The following ZNF385D variants were observed in gnomAD, a reference collection of about 807,000 sequenced individuals.
The protein encoded by ZNF385D is zinc finger protein 385D, also known as zinc finger protein 659.
Under a neutral mutation model 35.8 loss-of-function variants are expected in ZNF385D, and 15 were observed. The ratio of observed to expected loss-of-function variants is 0.42; its 90% confidence interval spans 0.28 to 0.64. ZNF385D has a LOEUF of 0.64. Among genes scored for constraint, ZNF385D ranks in the 30% least tolerant of loss-of-function variants. The pLI, the probability that ZNF385D is intolerant of heterozygous loss-of-function variation, is 0.23. For synonymous variants in ZNF385D, 212 were observed against 186.8 expected, an observed-to-expected ratio of 1.13 and a Z score of -1.10; for missense variants, 474 against 494.6, an observed-to-expected ratio of 0.96 and a Z score of 0.39.
At chr3:21,568,909 A>G (rs2125667543) in intron 2 of ZNF385D, among the ~76,000 whole-genome samples, 1 of 152,328 alleles carries the variant, frequency 6.6e-6, no homozygotes, top group African/African-American at 2.4e-5. Flanking sequence ...CACTGAATTA[A>G]AAACAAAAGA....
chr3:21,666,565 A>G (rs2125267620), intron 1 of ZNF385D, among the ~76,000 whole-genome samples: 1 of 152,328 alleles, frequency 6.6e-6, no homozygotes, highest in African/African-American at 2.4e-5. Flanking sequence ...GATAACAACG[A>G]AATATAATAA....
intron 2 of ZNF385D, among the ~76,000 whole-genome samples, chr3:22,169,675 A>G (rs1308190332): frequency 6.6e-6 from 1 of 152,222 alleles, no homozygotes; most frequent in Admixed American, 6.5e-5. Context: ...GTACAAAAAA[A>G]GTGTGACTGA....
intron 3 of ZNF385D, among the ~76,000 whole-genome samples, chr3:21,845,589 G>A (rs17009798): frequency 0.039 from 5,950 of 151,940 alleles, 400 homozygotes; most frequent in African/African-American, 0.13. Context: ...TCTCAACATT[G>A]CAATCCCTCC....
intron 3 of ZNF385D, among the ~76,000 whole-genome samples, chr3:22,157,355 T>C (rs1705655348): frequency 6.6e-6 from 1 of 152,184 alleles, no homozygotes; most frequent in African/African-American, 2.4e-5. Flanking sequence ...ATTTATATTT[T>C]TGATACCTTT....
At chr3:22,357,176 A>G (rs906070111) in intron 2 of ZNF385D, among the ~76,000 whole-genome samples, 1 of 151,954 alleles carries the variant, frequency 6.6e-6, no homozygotes, top group African/African-American at 2.4e-5. Flanking sequence ...ACCAGAATAT[A>G]TCATTATCTC....
chr3:22,158,121 T>C (rs1705710429), intron 3 of ZNF385D, among the ~76,000 whole-genome samples: 2 of 152,146 alleles, frequency 1.3e-5, no homozygotes, highest in African/African-American at 4.8e-5. Context: ...ATCCTTGATC[T>C]CATCAGGACA....
At chr3:21,554,818 C>A (rs1372171392) in intron 3 of ZNF385D, among the ~76,000 whole-genome samples, 1 of 152,118 alleles carries the variant, frequency 6.6e-6, no homozygotes, top group Non-Finnish European at 1.5e-5. Flanking sequence ...CATGAACCAA[C>A]CACTTCCAGC....
chr3:21,848,960 T>C (rs1261692013), intron 3 of ZNF385D, among the ~76,000 whole-genome samples: 8 of 152,134 alleles, frequency 5.3e-5, no homozygotes, highest in Admixed American at 4.6e-4. Context: ...CATTATCTTC[T>C]ATTAAATTTT....
rs879552068 is a variant in ZNF385D at position 21,706,855 on chromosome 3, A to ATAG, written c.23-41828_23-41827insCTA. On this transcript the variant is annotated intron_variant, in intron 1 of 7. Transcript: ENST00000281523. ...AGATAGATAGATAGATAGATAGATA[A>ATAG]ATAGATTAGACAGATAAATTCTAAT... Among the ~76,000 whole-genome samples the ATAG allele has an allele frequency of 5.9e-3, 849 of 144,220 alleles. 9 individuals carry two copies. The highest frequency in any genetic ancestry group is 0.02 in the African/African-American group (760 of 37,928). The allele number at this position is 144,220 out of a possible 152,430, so 94.6% of individuals were successfully genotyped here. A position where few individuals can be genotyped will look rare whatever the true frequency, so the allele number is the denominator to read the frequency against.
chr3:21,840,889 G>T (rs1373732049), intron 3 of ZNF385D, among the ~76,000 whole-genome samples: 2 of 151,968 alleles, frequency 1.3e-5, no homozygotes, highest in African/African-American at 2.4e-5. Context: ...CTGTCTAAAA[G>T]AAACCAAGAG....
At chr3:21,893,994 T>G (rs561776717) in intron 3 of ZNF385D, among the ~76,000 whole-genome samples, 1 of 152,296 alleles carries the variant, frequency 6.6e-6, no homozygotes, top group South Asian at 2.1e-4. Context: ...GTTCAAAACT[T>G]TCACCTGGAC....
chr3:22,117,029 A>G (rs1702847032), intron 3 of ZNF385D, among the ~76,000 whole-genome samples: 1 of 151,976 alleles, frequency 6.6e-6, no homozygotes, highest in Non-Finnish European at 1.5e-5. Context: ...ATTGTCCAGG[A>G]TGGTATATCT....
rs138310399 is a variant in ZNF385D at position 21,446,870 on chromosome 3, C to A, written c.440-9667G>T. On this transcript the variant is annotated intron_variant, in intron 4 of 7. Coordinates refer to ENST00000281523, the MANE Select transcript of ZNF385D (RefSeq NM_024697.3). ...TAGAGACACATTCTGATCTTTGGAG[C>A]AGAGAAAAATACTAGTGGGAACCTA... Among the ~76,000 whole-genome samples the A allele has an allele frequency of 3.9e-5, 6 of 152,140 alleles. 1 individual carries two copies. The East Asian group carries it at 1.2e-3, about 29-fold the overall frequency.
At chr3:21,979,157 G>A (rs1694252526) in intron 3 of ZNF385D, among the ~76,000 whole-genome samples, 1 of 151,956 alleles carries the variant, frequency 6.6e-6, no homozygotes, top group African/African-American at 2.4e-5. Context: ...TTTGCCTGTA[G>A]AATAGTCTGG....
intron 3 of ZNF385D, among the ~76,000 whole-genome samples, chr3:21,922,766 G>C (rs1700535094): frequency 6.6e-6 from 1 of 152,006 alleles, no homozygotes; most frequent in Admixed American, 6.6e-5. Context: ...AACAATTACA[G>C]GAAGAACAAA....
intron 3 of ZNF385D, among the ~76,000 whole-genome samples, chr3:21,999,249 G>A (rs561335993): frequency 6.6e-6 from 1 of 151,974 alleles, no homozygotes; most frequent in South Asian, 2.1e-4. Context: ...GGTTTTCACT[G>A]ACAAACATAT....
chr3:22,207,620 C>A (rs1697241373), intron 2 of ZNF385D, among the ~76,000 whole-genome samples: 1 of 151,886 alleles, frequency 6.6e-6, no homozygotes, highest in Non-Finnish European at 1.5e-5. Context: ...AGCTTCTGCA[C>A]AGCAAATGAA....
chr3:21,625,520 A>G (rs2065111996), intron 2 of ZNF385D, among the ~76,000 whole-genome samples: 1 of 152,094 alleles, frequency 6.6e-6, no homozygotes, highest in Non-Finnish European at 1.5e-5. Context: ...AAACACACAC[A>G]TATTCATTAA....
chr3:21,879,490 T>C (rs1698162068), intron 3 of ZNF385D, among the ~76,000 whole-genome samples: 1 of 151,984 alleles, frequency 6.6e-6, no homozygotes, highest in Non-Finnish European at 1.5e-5. Context: ...TGAAGTGGTG[T>C]AGGCTTTTGT....
Sources: allele counts gnomAD v4.1 joint callset (sites outside exome capture counted in the v4.1 genomes callset), GRCh38; gene constraint gnomAD v4.1.1; transcripts MANE v1.5; gene names NCBI Gene and HGNC (gene_info 2026-07-23, HGNC 2026-07-21).